The following IPO11 variants were observed in gnomAD, a reference collection of about 807,000 sequenced individuals.
The protein encoded by IPO11 is importin-11.
IPO11 carries 66 observed loss-of-function variants against 143.2 expected under a neutral mutation model. The ratio of observed to expected loss-of-function variants is 0.46; its 90% CI spans 0.38 to 0.57. The LOEUF is 0.57. Among genes scored for constraint, IPO11 ranks in the 20% least tolerant of loss-of-function variants. The pLI, the probability that IPO11 is intolerant of heterozygous loss-of-function variation, is 0.00. For missense variants in IPO11, 1,026 were observed against 1,141.0 expected (o/e 0.90, Z 1.45); for synonymous variants, 385 against 377.8 (o/e 1.02, Z -0.22).
intron 3 of IPO11, among the ~76,000 whole-genome samples, chr5:62,445,178 G>A (rs1365977967): frequency 2.0e-5 from 3 of 152,044 alleles, no homozygotes; most frequent in Non-Finnish European, 2.9e-5. Context: ...TTTTTAAAAA[G>A]ATGCTTGTTT....
chr5:62,433,335 GT>G, intron 1 of IPO11, among the ~76,000 whole-genome samples: 1 of 150,932 alleles, frequency 6.6e-6, no homozygotes, highest in East Asian at 1.9e-4. Context: ...TTAGTAGCAG[GT>G]AAAGATGCTG....
At chr5:62,429,149 A>G (rs141967126) in intron 1 of IPO11, among the ~76,000 whole-genome samples, 3 of 152,186 alleles carry the variant, frequency 2.0e-5, no homozygotes, top group Non-Finnish European at 2.9e-5. Flanking sequence ...CATCGTTCCA[A>G]ATAGCAGTTG....
chr5:62,623,629 T>C (rs996748032), intron 29 of IPO11, among the ~76,000 whole-genome samples: 1 of 151,460 alleles, frequency 6.6e-6, no homozygotes, highest in Non-Finnish European at 1.5e-5. Flanking sequence ...TATTTCTTTC[T>C]TTCTTTCTTC....
intron 15 of IPO11, among the ~76,000 whole-genome samples, chr5:62,490,563 CTT>C (rs1043240501): frequency 2.6e-5 from 4 of 152,050 alleles, no homozygotes; most frequent in African/African-American, 9.7e-5. Context: ...AGATGAATGT[CTT>C]GGGATCACAT....
At chr5:62,533,356 T>C (rs39934) in intron 22 of IPO11, among the ~76,000 whole-genome samples, 107,906 of 151,586 alleles carry the variant, frequency 0.71, 39,095 homozygotes, top group African/African-American at 0.85. Context: ...GGATTATAGG[T>C]ATGCACCACT....
intron 8 of IPO11, among the ~76,000 whole-genome samples, chr5:62,475,596 C>A (rs1745928854): frequency 6.6e-6 from 1 of 152,238 alleles, no homozygotes; most frequent in African/African-American, 2.4e-5. Flanking sequence ...CCACAACAGT[C>A]ATATGTTTAA....
At chr5:62,592,853 C>G (rs571626189) in intron 28 of IPO11, among the ~76,000 whole-genome samples, 1 of 152,236 alleles carries the variant, frequency 6.6e-6, no homozygotes, top group East Asian at 1.9e-4. Context: ...ATTCAGTTAC[C>G]TCCAGCTGGG....
intron 1 of IPO11, among the ~76,000 whole-genome samples, chr5:62,432,993 A>T (rs558818108): frequency 6.6e-6 from 1 of 152,214 alleles, no homozygotes; most frequent in Non-Finnish European, 1.5e-5. Context: ...ACTTGGACAC[A>T]TTGGGAACAT....
intron 20 of IPO11, among the ~76,000 whole-genome samples, chr5:62,519,285 A>G (rs1742130603): frequency 6.6e-6 from 1 of 152,126 alleles, no homozygotes; most frequent in Non-Finnish European, 1.5e-5. Flanking sequence ...TTGACAGATA[A>G]AGGAGTTAGT....
At chr5:62,477,065 TAGC>T (rs971856059) in intron 9 of IPO11, among the ~76,000 whole-genome samples, 4 of 152,148 alleles carry the variant, frequency 2.6e-5, no homozygotes, top group African/African-American at 9.7e-5. Context: ...ATAAAGAAGA[TAGC>T]AGTGCAGTTC....
intron 27 of IPO11, chr5:62,580,049 A>C: frequency 1.3e-6 from 2 of 1,551,236 alleles, no homozygotes; most frequent in Non-Finnish European, 1.7e-6. Context: ...CAACATCTTG[A>C]AAACCTTGCT....
At chr5:62,479,449 A>C (rs1475735088) in intron 9 of IPO11, among the ~76,000 whole-genome samples, 1 of 152,216 alleles carries the variant, frequency 6.6e-6, no homozygotes, top group Non-Finnish European at 1.5e-5. Flanking sequence ...TTGGGTATAT[A>C]ACCAGTAATG....
intron 29 of IPO11, 77 bp from the exon 30 acceptor site, chr5:62,627,077 A>G: frequency 7.5e-7 from 1 of 1,334,002 alleles, no homozygotes; most frequent in South Asian, 1.5e-5. Flanking sequence ...AGAGATTACA[A>G]AGAACTTTTG....
chr5:62,582,137 A>G (rs945133456), intron 27 of IPO11, among the ~76,000 whole-genome samples: 1 of 152,236 alleles, frequency 6.6e-6, no homozygotes, highest in Admixed American at 6.6e-5. Context: ...ATTTTTAAGC[A>G]GTAGAGTGAA....
At chr5:62,507,978 AT>A (rs757538038) in intron 19 of IPO11, among the ~76,000 whole-genome samples, 46 of 152,216 alleles carry the variant, frequency 3.0e-4, no homozygotes, top group Non-Finnish European at 5.0e-4. Context: ...GGTTAAAAAA[AT>A]ATTTTCAGTT....
chr5:62,504,754 A>C, intron 17 of IPO11, 54 bp downstream of exon 17: 8 of 1,363,330 alleles, frequency 5.9e-6, no homozygotes, highest in Non-Finnish European at 8.0e-6. Flanking sequence ...TAACACTTTT[A>C]ATTATTATTT....
At chr5:62,547,763 CTG>C (rs771024755) in intron 24 of IPO11, among the ~76,000 whole-genome samples, 6 of 152,040 alleles carry the variant, frequency 3.9e-5, no homozygotes, top group South Asian at 2.1e-4. Flanking sequence ...CTAAATAAAA[CTG>C]TAAAGATTCC....
intron 24 of IPO11, among the ~76,000 whole-genome samples, chr5:62,543,836 T>C (rs1433337313): frequency 5.3e-5 from 8 of 152,178 alleles, no homozygotes; most frequent in Admixed American, 5.2e-4. Flanking sequence ...GCTATAAATT[T>C]CTGTCTACAC....
chr5:62,522,497 C>G (rs1415013238), intron 20 of IPO11, among the ~76,000 whole-genome samples: 1 of 152,124 alleles, frequency 6.6e-6, no homozygotes, highest in Non-Finnish European at 1.5e-5. Context: ...GTTGGCCGGG[C>G]TAGTCTCAAA....
Sources: allele counts gnomAD v4.1 joint callset (sites outside exome capture counted in the v4.1 genomes callset), GRCh38; gene constraint gnomAD v4.1.1; transcripts MANE v1.5; gene names NCBI Gene and HGNC (gene_info 2026-07-23, HGNC 2026-07-21).